The following RASSF2 variants were observed in gnomAD, a reference collection of about 807,000 sequenced individuals.
The protein encoded by RASSF2 is Ras association domain family member 2.
A neutral mutation model predicts 46.3 loss-of-function variants in RASSF2; 34 were observed. The observed-to-expected ratio is 0.73, with a 90% CI of 0.56 to 0.98. The LOEUF is 0.98. Ranked by LOEUF, RASSF2 falls within the 50% of genes least tolerant of loss-of-function variation. RASSF2 has a pLI of 0.00. For missense variants in RASSF2, 364 were observed against 431.2 expected (o/e 0.84, Z 1.38); for synonymous variants, 158 against 162.5 (o/e 0.97, Z 0.21).
chr20:4,814,649 T>C (rs1386528690), intron 2 of RASSF2, among the ~76,000 whole-genome samples: 1 of 151,996 alleles, frequency 6.6e-6, no homozygotes, highest in East Asian at 1.9e-4. Flanking sequence ...CCCTCCAGGG[T>C]GGTCGGGGCG....
chr20:4,796,526 T>G (rs184883172), intron 4 of RASSF2, among the ~76,000 whole-genome samples: 8 of 152,344 alleles, frequency 5.3e-5, no homozygotes, highest in Admixed American at 4.6e-4. Flanking sequence ...GAGGCTGTGC[T>G]AATCAGATTT....
At chr20:4,791,266 G>A (rs1925853151) in intron 6 of RASSF2, among the ~76,000 whole-genome samples, 3 of 152,118 alleles carry the variant, frequency 2.0e-5, no homozygotes, top group African/African-American at 7.2e-5. Context: ...AAGGATGTGG[G>A]GAGCTATTGG....
rs1054738216 is a variant in RASSF2 at position 4,781,574 on chromosome 20, C to A, written c.*2699G>T. 1 of 152,274 alleles carries A rather than the reference C, an allele frequency of 6.6e-6. No individual in the cohort carries two copies. The highest frequency in any genetic ancestry group is 2.4e-5 in the African/African-American group (1 of 41,446). 9.4% of individuals were successfully genotyped at this position (152,274 alleles called of 1,614,324 possible). A position where few individuals can be genotyped will look rare whatever the true frequency, so the allele number is the denominator to read the frequency against. On this transcript the variant is annotated 3_prime_UTR_variant, in exon 12 of 12. Transcript: ENST00000379400. The stretch of plus-strand genomic sequence containing the variant: ...CCACCCCCTGCCATTTAAGTCATCA[C>A]CTTCCCTCTCATGTGATCACAGAGA...
At chr20:4,808,523 G>C (rs1004511627) in intron 2 of RASSF2, among the ~76,000 whole-genome samples, 1 of 135,134 alleles carries the variant, frequency 7.4e-6, no homozygotes, top group African/African-American at 2.8e-5. Flanking sequence ...GTCTCATTCT[G>C]TCACCCAGGC....
intron 2 of RASSF2, among the ~76,000 whole-genome samples, chr20:4,816,545 G>T (rs1440948322): frequency 6.6e-6 from 1 of 152,154 alleles, no homozygotes; most frequent in Non-Finnish European, 1.5e-5. Context: ...ATGGTGATGG[G>T]TTGTACAACG....
chr20:4,804,528 G>A (rs868237847), intron 2 of RASSF2, among the ~76,000 whole-genome samples: 6 of 151,880 alleles, frequency 4.0e-5, no homozygotes, highest in African/African-American at 9.7e-5. Context: ...TAGTGGAGAC[G>A]GGGTTTCACC....
At chr20:4,810,340 C>T (rs1009711764) in intron 2 of RASSF2, among the ~76,000 whole-genome samples, 2 of 152,226 alleles carry the variant, frequency 1.3e-5, no homozygotes, top group Non-Finnish European at 2.9e-5. Flanking sequence ...GCCCAAAAAT[C>T]ACAGCCTCAG....
intron 2 of RASSF2, among the ~76,000 whole-genome samples, chr20:4,820,428 T>C (rs940296603): frequency 6.6e-6 from 1 of 152,082 alleles, no homozygotes; most frequent in African/African-American, 2.4e-5. Context: ...GGAGGATCGC[T>C]TGGGCCCAGG....
chr20:4,785,005 T>C (rs1416372791), intron 11 of RASSF2, among the ~76,000 whole-genome samples: 1 of 152,044 alleles, frequency 6.6e-6, no homozygotes, highest in Non-Finnish European at 1.5e-5. Context: ...GAAAAAGCTA[T>C]TTTTAAAGTT....
chr20:4,802,911 TA>T (rs758789697), intron 2 of RASSF2, among the ~76,000 whole-genome samples: 1,355 of 97,548 alleles, frequency 0.014, 13 homozygotes, highest in African/African-American at 0.034. Context: ...TATATATATA[TA>T]TATTTTTTTT....
At chr20:4,785,155 CAA>C (rs11454727) in intron 11 of RASSF2, among the ~76,000 whole-genome samples, 9 of 92,560 alleles carry the variant, frequency 9.7e-5, no homozygotes, top group Non-Finnish European at 1.1e-4. Flanking sequence ...ACTAAAAATA[CAA>C]AAAAAAAAAA....
intron 2 of RASSF2, among the ~76,000 whole-genome samples, chr20:4,818,754 C>G (rs1928500479): frequency 6.6e-6 from 1 of 152,204 alleles, no homozygotes; most frequent in Admixed American, 6.5e-5. Context: ...AGCAGCCTCT[C>G]TCCAAAGCAC....
At chr20:4,805,893 T>C (rs537390656) in intron 2 of RASSF2, among the ~76,000 whole-genome samples, 10 of 152,290 alleles carry the variant, frequency 6.6e-5, no homozygotes, top group Non-Finnish European at 1.3e-4. Context: ...AGGTGCCACC[T>C]TCACAGTTGC....
intron 7 of RASSF2, among the ~76,000 whole-genome samples, 186 bp from the exon 8 acceptor site, chr20:4,789,883 G>C (rs529957819): frequency 6.6e-6 from 1 of 152,290 alleles, no homozygotes; most frequent in South Asian, 2.1e-4. Flanking sequence ...TTCAGTTCAT[G>C]CTCCACGCTC....
At chr20:4,806,353 G>A (rs572514708) in intron 2 of RASSF2, among the ~76,000 whole-genome samples, 10 of 152,282 alleles carry the variant, frequency 6.6e-5, no homozygotes, top group East Asian at 1.9e-4. Context: ...GCCTGCTGTC[G>A]GCAGCCCTTC....
In RASSF2 at chr20:4,800,069, G is replaced by A. The variant is rs1299248643; in HGVS notation, c.59+903C>T. Among the ~76,000 whole-genome samples the A allele has an allele frequency of 2.6e-5, 4 of 151,476 alleles. No homozygotes were observed. In the South Asian group the frequency reaches 6.2e-4, roughly 24 times the overall value. On this transcript the variant is annotated intron_variant, in intron 3 of 11. Transcript: ENST00000379400. ...AGAGGTTGCCATGAACTGAGATCAC[G>A]CCACTGCACTCCAGCCTAGGTGACA... is the stretch of plus-strand genomic sequence containing the variant.
At chr20:4,801,133 G>A in intron 2 of RASSF2, 71 bp from the exon 3 acceptor site, 1 of 1,252,118 alleles carries the variant, frequency 8.0e-7, no homozygotes, top group Non-Finnish European at 1.2e-6. Flanking sequence ...AACTTGGGGT[G>A]GGGAGGGGGC....
intron 3 of RASSF2, among the ~76,000 whole-genome samples, chr20:4,799,103 G>C (rs1926645130): frequency 6.6e-6 from 1 of 152,164 alleles, no homozygotes; most frequent in Non-Finnish European, 1.5e-5. Flanking sequence ...TCACCTTGGG[G>C]AGTAGTGACA....
In RASSF2 at chr20:4,812,614, T is replaced by G. The variant is rs1209507268; in HGVS notation, c.-33+9715A>C. 6.6e-6 allele frequency among the ~76,000 whole-genome samples: 1 copy of G among 152,178 alleles called. No homozygotes were observed. The highest frequency in any genetic ancestry group is 1.5e-5 in the Non-Finnish European group (1 of 68,024). On this transcript the variant is annotated intron_variant, in intron 2 of 11. Transcript: ENST00000379400. This position sits in a 1 kb window ranked among gnomAD's most constrained non-coding sequence, Gnocchi z 4.0. ...AGGTCCCTTTGCCCCAGTTTCTGAT[T>G]CAGTAATTCTGGGGTGGGGTCTGAG...
Sources: gnomAD v4.1 joint callset for allele counts (sites outside exome capture counted in the v4.1 genomes callset) on GRCh38, gnomAD v4.1.1 for gene constraint, Gnocchi (gnomAD v3.1) non-coding constraint, MANE v1.5 for transcripts, NCBI Gene and HGNC (gene_info 2026-07-23, HGNC 2026-07-21) for gene names.